The following KIN variants were observed in gnomAD, a reference collection of about 807,000 sequenced individuals.
KIN encodes Kin17 DNA and RNA binding protein.
In KIN, 47 loss-of-function variants were observed where a neutral mutation model predicts 63.0. The observed-to-expected ratio is 0.75, with a 90% confidence interval of 0.59 to 0.95. The LOEUF is 0.95. Ranked by LOEUF, KIN falls within the 40% of genes least tolerant of loss-of-function variation. The probability of loss-of-function intolerance (pLI) is 0.00; values close to 1 mark genes in which losing one functional copy is unlikely to be tolerated. For missense variants in KIN, 408 were observed against 460.9 expected (o/e 0.89, Z 1.05); for synonymous variants, 160 against 157.7 (o/e 1.01, Z -0.11).
Position 7,754,345 on chromosome 10 carries a change from A to T in KIN, c.*1735T>A. 1 of 268,792 alleles carries T rather than the reference A, an allele frequency of 3.7e-6. No homozygotes were observed. Among genetic ancestry groups the T allele is most frequent in the Admixed American group, 4.6e-5 (1 of 21,666 alleles). The allele number at this position is 268,792 out of a possible 1,614,324, so 16.7% of individuals were successfully genotyped here. A position where few individuals can be genotyped will look rare whatever the true frequency, so the allele number is the denominator to read the frequency against. ...GCAAGACCCTATCTCAAAAAACAGA[A>T]CAAAAAAAAAGAGGCGTAGTGGCTC... is the stretch of plus-strand genomic sequence containing the variant. On this transcript the variant is annotated 3_prime_UTR_variant, in exon 13 of 13. Transcript: ENST00000379562.
At chr10:7,778,269 T>TC (rs1835820585) in intron 5 of KIN, among the ~76,000 whole-genome samples, 1 of 152,214 alleles carries the variant, frequency 6.6e-6, no homozygotes. Context: ...AGGTAGCGTC[T>TC]CTATTTAGAT....
intron 11 of KIN, chr10:7,761,456 A>G (rs1049546068): frequency 6.6e-6 from 1 of 152,144 alleles, no homozygotes; most frequent in African/African-American, 2.4e-5. Flanking sequence ...ACCTAAGGGG[A>G]AAAAAAGCAA....
At position 7,751,735 on chromosome 10, in the gene KIN, A is replaced by G. The variant is rs1394067824; in HGVS notation, c.*4345T>C. The G allele has an allele frequency of 6.6e-6, 1 of 152,224 alleles. No individual in the cohort carries two copies. The highest frequency in any genetic ancestry group is 1.5e-5 in the Non-Finnish European group (1 of 68,050). 9.4% of individuals were successfully genotyped at this position (152,224 alleles called of 1,614,324 possible). On this transcript the variant is annotated 3_prime_UTR_variant, in exon 13 of 13. Transcript: ENST00000379562. ...ATATTAGAATGCTAATATTCAACAT[A>G]AACTTCAAAAGTGAGATTTTAGCAT...
intron 7 of KIN, among the ~76,000 whole-genome samples, chr10:7,772,737 A>G (rs747498798): frequency 1.2e-4 from 19 of 152,202 alleles, no homozygotes; most frequent in Non-Finnish European, 1.6e-4. Flanking sequence ...GGGTCACAAC[A>G]TATTAACATA....
intron 1 of KIN, among the ~76,000 whole-genome samples, chr10:7,784,774 G>C (rs1835965415): frequency 6.6e-6 from 1 of 152,094 alleles, no homozygotes. Context: ...AAAGGTTAAT[G>C]GGAAACTAGA....
rs774243588 is a variant in KIN, at chr10:7,762,547, C to A, written c.928G>T (p.Asp310Tyr). ...KKKAIVKEVI[D>Y]KYTAVVKMID... The stretch of plus-strand genomic sequence containing the variant: ...ATCTTCACAACAGCTGTATATTTGT[C>A]AATTACTTCCTGTCATGTAAAATGA... Residue 310 changes from aspartate to tyrosine, a missense_variant, in exon 11 of 13, where the codon GAC (aspartate) becomes TAC (tyrosine). Asp to Tyr is a radical substitution (Grantham distance 160). This residue lies in a region of KIN where 298 missense variants were observed against 296.0 expected (regional missense o/e 1.01). Coordinates refer to ENST00000379562, the MANE Select transcript of KIN (RefSeq NM_012311.4). 3 of 1,595,482 alleles carry A rather than the reference C, an allele frequency of 1.9e-6. No individual in the cohort carries two copies. Among genetic ancestry groups the A allele is most frequent in the Non-Finnish European group, 2.6e-6 (3 of 1,165,498 alleles).
At chr10:7,767,112 G>T (rs11596873) in intron 8 of KIN, among the ~76,000 whole-genome samples, 1 of 151,528 alleles carries the variant, frequency 6.6e-6, no homozygotes, top group Non-Finnish European at 1.5e-5. Flanking sequence ...AAAAAAGGTC[G>T]ATTTGGCTTT....
At position 7,782,864 on chromosome 10, in the gene KIN, T is replaced by A. The variant is rs572928963; in HGVS notation, c.209+217A>T. On this transcript the variant is annotated intron_variant, in intron 2 of 12. Coordinates refer to ENST00000379562, the MANE Select transcript of KIN (RefSeq NM_012311.4). Reference sequence around the variant, plus strand: ...TTAGAATGAAAGACAGTTTTGTATATCTGAAGTGGAAGAAAGGAAAAACTA... The same window carrying A: ...TTAGAATGAAAGACAGTTTTGTATAACTGAAGTGGAAGAAAGGAAAAACTA... 1.7e-4 allele frequency among the ~76,000 whole-genome samples: 26 copies of A among 152,320 alleles called. No individual in the cohort carries two copies. The Middle Eastern group carries it at 0.01, about 60-fold the overall frequency.
rs1835244361 is a variant in KIN at position 7,751,579 on chromosome 10, T to C, written c.*4501A>G. The C allele has an allele frequency of 6.6e-6, 1 of 152,100 alleles. No homozygotes were observed. Among genetic ancestry groups the C allele is most frequent in the South Asian group, 2.1e-4 (1 of 4,830 alleles). 9.4% of individuals were successfully genotyped at this position (152,100 alleles called of 1,614,324 possible). A position where few individuals can be genotyped will look rare whatever the true frequency, so the allele number is the denominator to read the frequency against. On this transcript the variant is annotated 3_prime_UTR_variant, in exon 13 of 13. Transcript: ENST00000379562. Reference sequence around the variant, plus strand: ...GAAATAAATAAAAATAAAGATAAACTTAGTGCTGAAGAGGTAAATAGCACT... The same window carrying C: ...GAAATAAATAAAAATAAAGATAAACCTAGTGCTGAAGAGGTAAATAGCACT...
intron 1 of KIN, among the ~76,000 whole-genome samples, chr10:7,786,149 C>T (rs1005821521): frequency 2.0e-5 from 3 of 152,062 alleles, no homozygotes; most frequent in South Asian, 2.1e-4. Flanking sequence ...GAGAGGGGAG[C>T]GGAGGTCCTA....
chr10:7,758,167 G>A (rs557834557), intron 12 of KIN, among the ~76,000 whole-genome samples: 1 of 151,394 alleles, frequency 6.6e-6, no homozygotes, highest in African/African-American at 2.4e-5. Context: ...CTGCCTCCCA[G>A]GTTCAAGCGA....
Position 7,775,802 on chromosome 10 carries a change from A to G in KIN, c.559-3T>C. On this transcript the variant is annotated splice_polypyrimidine_tract_variant and splice_region_variant and intron_variant, in intron 5 of 12. Transcript: ENST00000379562. Reference sequence around the variant, plus strand: ...AATTCCGTAAAAGTAGGGACCTCCTAAAAAAAAGAAAGTTTTAAGGTTTTG... The same window carrying G: ...AATTCCGTAAAAGTAGGGACCTCCTGAAAAAAAGAAAGTTTTAAGGTTTTG... 6.6e-7 allele frequency: 1 copy of G among 1,522,712 alleles called. No individual in the cohort carries two copies. Among genetic ancestry groups the G allele is most frequent in the Non-Finnish European group, 8.9e-7 (1 of 1,120,330 alleles). 94.3% of individuals were successfully genotyped at this position (1,522,712 alleles called of 1,614,324 possible). A position where few individuals can be genotyped will look rare whatever the true frequency, so the allele number is the denominator to read the frequency against.
intron 6 of KIN, 106 bp downstream of exon 6, chr10:7,775,645 C>T: frequency 3.5e-6 from 2 of 565,510 alleles, no homozygotes; most frequent in Non-Finnish European, 6.1e-6. Context: ...GTAACTCAGA[C>T]ACATTCGATG....
chr10:7,784,178 G>C (rs1357357192), intron 1 of KIN, among the ~76,000 whole-genome samples: 1 of 152,144 alleles, frequency 6.6e-6, no homozygotes, highest in Non-Finnish European at 1.5e-5. Context: ...GGAGTAGATT[G>C]GGGGGATACC....
rs565052228 is a variant in KIN at position 7,778,832 on chromosome 10, A to C, written c.558+6T>G. 3 of 1,612,938 alleles carry C rather than the reference A, an allele frequency of 1.9e-6. No homozygotes were observed. The African/African-American group carries it at 4.0e-5, about 22-fold the overall frequency. ...GTTGCTTCTCAGGATGATGTTGCTTACCCACCTGTTCCTTCCCTTCCAGGC... is the reference window on the plus strand; with the variant it reads ...GTTGCTTCTCAGGATGATGTTGCTTCCCCACCTGTTCCTTCCCTTCCAGGC... On this transcript the variant is annotated splice_donor_region_variant and intron_variant, in intron 5 of 12. Coordinates refer to ENST00000379562, the MANE Select transcript of KIN (RefSeq NM_012311.4).
chr10:7,765,372 A>G (rs1409210966), intron 9 of KIN, among the ~76,000 whole-genome samples: 1 of 151,958 alleles, frequency 6.6e-6, no homozygotes, highest in African/African-American at 2.4e-5. Flanking sequence ...AGGTGGGAGG[A>G]TCGCTTGAGG....
In KIN at chr10:7,763,736, T is replaced by C. The variant is rs781729374; in HGVS notation, c.905A>G (p.Lys302Arg). ...GCACGTCCTTACCTTAACAATAGCC[T>C]TTTTCTTATGATATTTCTCTCCCAG... ...KKLGEKYHKK[K>R]AIVKEVIDKY... Residue 302 changes from lysine (K) to arginine (R), a missense_variant, in exon 10 of 13, where the codon AAG becomes AGG. Lys to Arg is a conservative substitution (Grantham distance 26). This residue lies in a region of KIN where 298 missense variants were observed against 296.0 expected (regional missense o/e 1.01). Coordinates refer to ENST00000379562, the MANE Select transcript of KIN (RefSeq NM_012311.4). 6 of 1,482,788 alleles carry C rather than the reference T, an allele frequency of 4.0e-6. No homozygotes were observed. The South Asian group carries it at 6.0e-5, about 15-fold the overall frequency. The allele number at this position is 1,482,788 out of a possible 1,614,324, so 91.9% of individuals were successfully genotyped here.
chr10:7,769,890 C>T (rs1835631522), intron 7 of KIN, among the ~76,000 whole-genome samples: 1 of 152,202 alleles, frequency 6.6e-6, no homozygotes, highest in Non-Finnish European at 1.5e-5. Context: ...CAACGTGTTA[C>T]TTAAAAGTTT....
chr10:7,765,315 A>G (rs1835521746), intron 9 of KIN, among the ~76,000 whole-genome samples: 2 of 152,180 alleles, frequency 1.3e-5, no homozygotes, highest in South Asian at 4.1e-4. Flanking sequence ...AAAAATTGGC[A>G]GGGCATTAGT....
Sources: gnomAD v4.1 joint callset for allele counts (sites outside exome capture counted in the v4.1 genomes callset) on GRCh38, gnomAD v4.1.1 for gene constraint, gnomAD v4.1.1 regional missense constraint, MANE v1.5 for transcripts, NCBI Gene and HGNC (gene_info 2026-07-23, HGNC 2026-07-21) for gene names.